Variants in CEP164 observed in about 807,000 individuals in gnomAD.
CEP164 encodes centrosomal protein of 164 kDa.
In CEP164, 162 loss-of-function variants were observed where a neutral mutation model predicts 182.7. The observed-to-expected ratio is 0.89, with a 90% CI of 0.78 to 1.01. The LOEUF (loss-of-function observed/expected upper bound fraction) is 1.01. Ranked by LOEUF, CEP164 falls within the 50% of genes least tolerant of loss-of-function variation. The pLI, the probability that CEP164 is intolerant of heterozygous loss-of-function variation, is 0.00. For synonymous variants in CEP164, 661 were observed against 690.0 expected (o/e 0.96, Z 0.66); for missense variants, 1,735 against 1,790.4 (o/e 0.97, Z 0.56).
intron 9 of CEP164, 140 bp from the exon 10 acceptor site, chr11:117,373,611 T>G: frequency 1.4e-6 from 1 of 722,776 alleles, no homozygotes; most frequent in Non-Finnish European, 2.4e-6. Context: ...ACAGGCCTCG[T>G]TTAGGTTTTC....
chr11:117,356,951 A>G (rs939629458), intron 5 of CEP164, among the ~76,000 whole-genome samples: 2 of 152,240 alleles, frequency 1.3e-5, no homozygotes, highest in South Asian at 4.2e-4. Flanking sequence ...GCAGGATATA[A>G]ACACCTTCCT....
At chr11:117,404,248 AT>A (rs2136730016) in intron 27 of CEP164, among the ~76,000 whole-genome samples, 1 of 152,032 alleles carries the variant, frequency 6.6e-6, no homozygotes, top group Non-Finnish European at 1.5e-5. Flanking sequence ...TGTTTTTGGA[AT>A]TTTCAGCATT....
chr11:117,386,311 C>G (rs2043950479), intron 14 of CEP164: 2 of 152,156 alleles, frequency 1.3e-5, no homozygotes, highest in Non-Finnish European at 2.9e-5. Flanking sequence ...CATGCTTTAT[C>G]CTGCTCATGC....
intron 4 of CEP164, among the ~76,000 whole-genome samples, 154 bp downstream of exon 4, chr11:117,344,431 T>C (rs1250293505): frequency 6.6e-6 from 1 of 152,182 alleles, no homozygotes; most frequent in Non-Finnish European, 1.5e-5. Flanking sequence ...TGCCTGCTAT[T>C]TCAGGCTTCA....
chr11:117,382,581 C>A (rs1276055551), intron 13 of CEP164, among the ~76,000 whole-genome samples: 1 of 152,150 alleles, frequency 6.6e-6, no homozygotes, highest in Non-Finnish European at 1.5e-5. Flanking sequence ...CCATAACCAT[C>A]TTGCTTCCAT....
At chr11:117,380,195 G>T (rs1256104825) in intron 11 of CEP164, among the ~76,000 whole-genome samples, 6 of 152,100 alleles carry the variant, frequency 3.9e-5, no homozygotes, top group Non-Finnish European at 1.5e-5. Context: ...ATTTCAGCAC[G>T]CTTGTCATTC....
At chr11:117,393,275 A>C (rs550627378) in intron 20 of CEP164, 149 bp downstream of exon 20, 1 of 1,363,140 alleles carries the variant, frequency 7.3e-7, no homozygotes, top group African/African-American at 1.4e-5. Flanking sequence ...GAAGGGGATA[A>C]ACTGTGGTCA....
intron 4 of CEP164, among the ~76,000 whole-genome samples, chr11:117,345,326 G>A (rs1006473413): frequency 2.0e-5 from 3 of 152,150 alleles, no homozygotes; most frequent in African/African-American, 7.2e-5. Context: ...CTCCCTGCTC[G>A]TGGTGACACT....
chr11:117,380,725 A>G lies in CEP164; in HGVS notation c.1409+20A>G, dbSNP rs1261238804. 4 of 1,582,788 alleles carry G rather than the reference A, an allele frequency of 2.5e-6. No homozygotes were observed. Among genetic ancestry groups the G allele is most frequent in the Admixed American group, 3.6e-5 (2 of 55,914 alleles). On this transcript the variant is annotated intron_variant, in intron 12 of 32. Transcript: ENST00000278935. ...GGAGAGGTACCATAGGTGGGAGGCT[A>G]TCCCCAGCGCTGTGCCTTCAGGGTG... is the stretch of plus-strand genomic sequence containing the variant.
chr11:117,339,515 GTTTTTTGTTTTT>G (rs1303919503), intron 3 of CEP164, among the ~76,000 whole-genome samples: 16 of 90,870 alleles, frequency 1.8e-4, no homozygotes, highest in African/African-American at 5.9e-4. Flanking sequence ...CTTTTCCTTT[GTTTTTTGTTTTT>G]TTTTTTTTTT....
At chr11:117,388,464 C>T (rs1224042046) in intron 15 of CEP164, among the ~76,000 whole-genome samples, 2 of 152,232 alleles carry the variant, frequency 1.3e-5, no homozygotes, top group Non-Finnish European at 2.9e-5. Context: ...TCACCAGAAC[C>T]TGTTTCTGTT....
rs754018860 is a variant in CEP164 at position 117,390,891 on chromosome 11, A to G, written c.2049A>G (p.Ala683=). Residue 683 remains alanine, a synonymous_variant, in exon 16 of 33, where the codon GCA becomes GCG. Coordinates refer to ENST00000278935, the MANE Select transcript of CEP164 (RefSeq NM_014956.5). ...LRAQVQSSTQ[A]DEDQIRAEQE... is the part of the protein sequence containing the mutation. ...CTCAGGTCCAGTCCAGCACACAAGC[A>G]GATGAGGACCAAATCAGGTAAGTGT... 1 of 1,613,928 alleles carries G rather than the reference A, an allele frequency of 6.2e-7. No individual in the cohort carries two copies. The highest frequency in any genetic ancestry group is 1.1e-5 in the South Asian group (1 of 91,060).
In CEP164 at chr11:117,394,061, C is replaced by T. The variant is rs1487572441; in HGVS notation, c.2617-289C>T. Among the ~76,000 whole-genome samples, 2 of 152,264 alleles carry T rather than the reference C, an allele frequency of 1.3e-5. No individual in the cohort carries two copies. Among genetic ancestry groups the T allele is most frequent in the Non-Finnish European group, 2.9e-5 (2 of 68,046 alleles). On this transcript the variant is annotated intron_variant, in intron 20 of 32. Transcript: ENST00000278935. This position sits in a 1 kb window ranked among gnomAD's most constrained non-coding sequence, Gnocchi z 4.0. ...TAGTGATAATTTATCAGTGACCTCT[C>T]ATTCCTTACAGAGGAAAAGTTGTAT...
At chr11:117,355,108 C>T in intron 5 of CEP164, 1 of 1,289,806 alleles carries the variant, frequency 7.8e-7, no homozygotes, top group South Asian at 1.2e-5. Flanking sequence ...CCTGGCGTTT[C>T]ATGGGTGCCC....
At chr11:117,340,092 C>A (rs950271256) in intron 3 of CEP164, among the ~76,000 whole-genome samples, 2 of 152,158 alleles carry the variant, frequency 1.3e-5, no homozygotes, top group Non-Finnish European at 1.5e-5. Context: ...GTGGCGGGAT[C>A]TCTGCTCACT....
rs753951348 is a variant in CEP164 at position 117,390,792 on chromosome 11, G to T, written c.1950G>T (p.Arg650=). The T allele has an allele frequency of 1.2e-6, 2 of 1,613,978 alleles. No homozygotes were observed. Among genetic ancestry groups the T allele is most frequent in the Non-Finnish European group, 1.7e-6 (2 of 1,180,004 alleles). ...KEQSLSSLRE[R]LQKAIEEEEA... ...TCCATCTCAGTTCCTTGAGGGAGCG[G>T]CTGCAGAAAGCCATTGAGGAGGAGG... The change falls in exon 16 of 33, where the codon CGG becomes CGT. Residue 650 remains arginine, a synonymous_variant. Coordinates refer to ENST00000278935, the MANE Select transcript of CEP164 (RefSeq NM_014956.5).
chr11:117,393,159 A>G (rs368091831), intron 20 of CEP164, 33 bp downstream of exon 20: 19 of 1,602,700 alleles, frequency 1.2e-5, no homozygotes, highest in Middle Eastern at 3.5e-4. Context: ...GCGCATGCAC[A>G]CACATGCACA....
chr11:117,340,457 A>T (rs941521506), intron 3 of CEP164, among the ~76,000 whole-genome samples: 6 of 152,242 alleles, frequency 3.9e-5, no homozygotes, highest in South Asian at 4.1e-4. Context: ...CAGGGTTCAC[A>T]ATTCTTGCAT....
intron 8 of CEP164, among the ~76,000 whole-genome samples, chr11:117,365,135 G>C (rs1011852670): frequency 6.6e-6 from 1 of 152,216 alleles, no homozygotes; most frequent in Admixed American, 6.5e-5. Flanking sequence ...CCATGTATAG[G>C]ACTAGGGGTG....
Sources: gnomAD v4.1 joint callset for allele counts (sites outside exome capture counted in the v4.1 genomes callset) on GRCh38, gnomAD v4.1.1 for gene constraint, Gnocchi (gnomAD v3.1) non-coding constraint, MANE v1.5 for transcripts, NCBI Gene and HGNC (gene_info 2026-07-23, HGNC 2026-07-21) for gene names.